Variants in RAI1 observed in about 807,000 individuals in gnomAD.
The protein encoded by RAI1 is retinoic acid induced 1, also known as retinoic acid-induced protein 1.
Under a neutral mutation model 123.8 loss-of-function variants are expected in RAI1, and 9 were observed. The ratio of observed to expected loss-of-function variants is 0.07; its 90% CI spans 0.04 to 0.13. RAI1 has a LOEUF of 0.13. Ranked by LOEUF, RAI1 falls within the 10% of genes least tolerant of loss-of-function variation. RAI1 has a pLI of 1.00. For synonymous variants in RAI1, 1,231 were observed against 1,127.3 expected (o/e 1.09, Z -1.84); for missense variants, 2,256 against 2,545.8 (o/e 0.89, Z 2.45).
chr17:17,745,385 C>T (rs938001131), intron 2 of RAI1, among the ~76,000 whole-genome samples: 1 of 150,894 alleles, frequency 6.6e-6, no homozygotes, highest in African/African-American at 2.4e-5. Context: ...TTCTCTAAGT[C>T]AGGGAGCCAT....
In RAI1 at chr17:17,795,369, CG is replaced by C; in HGVS notation, c.2425del (p.Asp809ThrfsTer10). On this transcript the variant is annotated frameshift_variant, in exon 3 of 6. Coordinates refer to ENST00000353383, the MANE Select transcript of RAI1 (RefSeq NM_030665.4). LOFTEE classifies it high-confidence loss of function. The surrounding 1 kb of genome is among the most constrained non-coding windows in gnomAD (Gnocchi z 5.9). ...CTGGGGAGAAGGTGGCCTCGTTGCC[CG>C]GGGACTTCAAGCAGGAGGAGGTGGG... ...PPGEKVASLP[G>X]DFKQEEVGGV... is the part of the protein sequence containing the mutation. 1 of 1,594,720 alleles carries C rather than the reference CG, an allele frequency of 6.3e-7. No individual in the cohort carries two copies.
chr17:17,768,557 G>A (rs899158662), intron 2 of RAI1, among the ~76,000 whole-genome samples: 1 of 152,228 alleles, frequency 6.6e-6, no homozygotes, highest in Non-Finnish European at 1.5e-5. Flanking sequence ...GCCAGACATA[G>A]GGCCAGGCAG....
At position 17,796,848 on chromosome 17, in the gene RAI1, C is replaced by A; in HGVS notation, c.3900C>A (p.Ala1300=). 1 of 1,612,506 alleles carries A rather than the reference C, an allele frequency of 6.2e-7. No homozygotes were observed. ...TCCCACCCCCGGAGACCCCCGATGCCTGCCTCAAGCTCGCCTCTCGGGCAG... is the reference window on the plus strand; with the variant it reads ...TCCCACCCCCGGAGACCCCCGATGCATGCCTCAAGCTCGCCTCTCGGGCAG... ...TKLPPPETPD[A]CLKLASRAAF... The change falls in exon 3 of 6, where the codon GCC becomes GCA. Residue 1300 remains alanine (A), a synonymous_variant. Transcript: ENST00000353383. This position sits in a 1 kb window ranked among gnomAD's most constrained non-coding sequence, Gnocchi z 5.8.
In RAI1 at chr17:17,796,992, G is replaced by A. The variant is rs753775844; in HGVS notation, c.4044G>A (p.Ala1348=). ...SPSLKKFACK[A]PGASPGNPLS... ...GCCTCAAGAAGTTCGCATGTAAAGC[G>A]CCAGGGGCCTCTCCTGGTAATCCTC... is the stretch of plus-strand genomic sequence containing the variant. The change falls in exon 3 of 6, where the codon GCG becomes GCA. Residue 1348 remains alanine (A), a synonymous_variant. Coordinates refer to ENST00000353383, the MANE Select transcript of RAI1 (RefSeq NM_030665.4). The surrounding 1 kb of genome is among the most constrained non-coding windows in gnomAD (Gnocchi z 5.8). The A allele has an allele frequency of 8.7e-6, 14 of 1,613,712 alleles. No homozygotes were observed. The highest frequency in any genetic ancestry group is 1.3e-5 in the African/African-American group (1 of 74,914).
chr17:17,809,989 C>A lies in RAI1; in HGVS notation c.*8C>A. On this transcript the variant is annotated 3_prime_UTR_variant, in exon 6 of 6. Coordinates refer to ENST00000353383, the MANE Select transcript of RAI1 (RefSeq NM_030665.4). This position sits in a 1 kb window ranked among gnomAD's most constrained non-coding sequence, Gnocchi z 4.9. ...TTGCAGAGGCTGCCGTAGTAATCCA[C>A]CCCAACGGCCGGAGGAGCCGCCGGA... 1 of 1,549,110 alleles carries A rather than the reference C, an allele frequency of 6.5e-7. No homozygotes were observed. Among genetic ancestry groups the A allele is most frequent in the African/African-American group, 1.4e-5 (1 of 73,116 alleles).
Position 17,798,085 on chromosome 17 carries a change from C to G in RAI1, c.5137C>G (p.Pro1713Ala). Residue 1713 changes from proline to alanine, a missense_variant, in exon 3 of 6, where the codon CCC becomes GCC. Around this residue, in one of 7 missense-constraint regions of RAI1, gnomAD observed 243 missense variants for 316.6 expected, o/e 0.77. Coordinates refer to ENST00000353383, the MANE Select transcript of RAI1 (RefSeq NM_030665.4). ...CGPYYPEHCL[P>A]KKKPKLKEKV... ...GCCCTACTACCCTGAACACTGCCTC[C>G]CCAAAAAGAAGCCAAAACTCAAGGA... 6.2e-7 allele frequency: 1 copy of G among 1,614,030 alleles called. No individual in the cohort carries two copies. The highest frequency in any genetic ancestry group is 8.5e-7 in the Non-Finnish European group (1 of 1,180,030).
chr17:17,743,057 C>T (rs1916696609), intron 2 of RAI1, among the ~76,000 whole-genome samples: 1 of 152,206 alleles, frequency 6.6e-6, no homozygotes, highest in African/African-American at 2.4e-5. Context: ...GACATGATCA[C>T]AGCTCACCAT....
chr17:17,787,641 T>G (rs1163229679), intron 2 of RAI1, among the ~76,000 whole-genome samples: 1 of 152,190 alleles, frequency 6.6e-6, no homozygotes, highest in Admixed American at 6.5e-5. Context: ...GTCCCTGGAC[T>G]GTGGGCCCTG....
chr17:17,806,422 T>C lies in RAI1; in HGVS notation c.5659+2573T>C, dbSNP rs116445905. Among the ~76,000 whole-genome samples, 1,339 of 152,066 alleles carry C rather than the reference T, an allele frequency of 8.8e-3. 23 individuals carry two copies. The highest frequency in any genetic ancestry group is 0.03 in the African/African-American group (1,261 of 41,472). On this transcript the variant is annotated intron_variant, in intron 4 of 5. Transcript: ENST00000353383. ...GGAGACATACACCTCAGAGACTGAG[T>C]TGGCACAGAATCCATGGGACTTGAT...
intron 1 of RAI1, among the ~76,000 whole-genome samples, chr17:17,694,387 T>TTTTCTGGGGTGTGAGTCAC (rs1285164079): frequency 2.0e-5 from 3 of 151,936 alleles, no homozygotes; most frequent in Non-Finnish European, 4.4e-5. Flanking sequence ...GAGGGGCATC[T>TTTTCTGGGGTGTGAGTCAC]TTTCTGGGGT....
chr17:17,685,848 G>GTC lies in RAI1; in HGVS notation c.-149+4056_-149+4057insCT, dbSNP rs1301920131. 6.6e-6 allele frequency among the ~76,000 whole-genome samples: 1 copy of GTC among 152,168 alleles called. No individual in the cohort carries two copies. The highest frequency in any genetic ancestry group is 1.5e-5 in the Non-Finnish European group (1 of 68,034). The stretch of plus-strand genomic sequence containing the variant: ...CTCCAGCCACAGCTGGCACCTCCTT[G>GTC]TTAAGGTGCAGCCATGTGCATCCTT... On this transcript the variant is annotated intron_variant, in intron 1 of 5. Transcript: ENST00000353383. This position sits in a 1 kb window ranked among gnomAD's most constrained non-coding sequence, Gnocchi z 4.0.
chr17:17,761,544 A>G (rs1329471860), intron 2 of RAI1, among the ~76,000 whole-genome samples: 1 of 152,174 alleles, frequency 6.6e-6, no homozygotes, highest in Non-Finnish European at 1.5e-5. Flanking sequence ...TATCTAGGGC[A>G]GGCATCAGTT....
chr17:17,751,798 C>A (rs553583826), intron 2 of RAI1, among the ~76,000 whole-genome samples: 4 of 152,228 alleles, frequency 2.6e-5, no homozygotes, highest in African/African-American at 7.2e-5. Flanking sequence ...TTTAAAACTA[C>A]GAACCTAGTA....
intron 2 of RAI1, among the ~76,000 whole-genome samples, chr17:17,727,587 C>T (rs1488015643): frequency 6.6e-6 from 1 of 152,224 alleles, no homozygotes; most frequent in Non-Finnish European, 1.5e-5. Context: ...CCACAGTTCC[C>T]CTTCCTCTTT....
intron 1 of RAI1, among the ~76,000 whole-genome samples, chr17:17,718,370 C>G (rs1915775555): frequency 6.6e-6 from 1 of 152,208 alleles, no homozygotes; most frequent in Non-Finnish European, 1.5e-5. Flanking sequence ...GCTAAAATAT[C>G]AAGCTCTTTG....
At chr17:17,770,323 A>C (rs1316979474) in intron 2 of RAI1, among the ~76,000 whole-genome samples, 4 of 152,150 alleles carry the variant, frequency 2.6e-5, no homozygotes, top group South Asian at 2.1e-4. Flanking sequence ...CGAAAAAAAA[A>C]CATAAAACCA....
chr17:17,773,026 GGT>G (rs557406255), intron 2 of RAI1, among the ~76,000 whole-genome samples: 2 of 144,792 alleles, frequency 1.4e-5, no homozygotes, highest in Non-Finnish European at 3.0e-5. Context: ...TGGATAGATG[GGT>G]GTGTGTGCAT....
At chr17:17,784,476 T>G (rs1278326837) in intron 2 of RAI1, among the ~76,000 whole-genome samples, 1 of 152,250 alleles carries the variant, frequency 6.6e-6, no homozygotes, top group African/African-American at 2.4e-5. Context: ...CTGGGCGTCC[T>G]GCACAAGCCA....
rs536718095 is a variant in RAI1 at position 17,810,289 on chromosome 17, C to T, written c.*308C>T. The T allele has an allele frequency of 1.9e-5, 9 of 464,508 alleles. No individual in the cohort carries two copies. The East Asian group carries it at 3.3e-4, about 17-fold the overall frequency. The allele number at this position is 464,508 out of a possible 1,614,324, so 28.8% of individuals were successfully genotyped here. ...CGCGGAGCGGCCAGACTCCCCGGGG[C>T]GCTCAGCCTCCGGCGAGGGTGGGAG... On this transcript the variant is annotated 3_prime_UTR_variant, in exon 6 of 6. Transcript: ENST00000353383. The surrounding 1 kb of genome is among the most constrained non-coding windows in gnomAD (Gnocchi z 4.6).
Sources: gnomAD v4.1 joint callset for allele counts (sites outside exome capture counted in the v4.1 genomes callset) on GRCh38, gnomAD v4.1.1 for gene constraint, gnomAD v4.1.1 regional missense constraint, Gnocchi (gnomAD v3.1) non-coding constraint, MANE v1.5 for transcripts, NCBI Gene and HGNC (gene_info 2026-07-23, HGNC 2026-07-21) for gene names.